The following SLC36A1 variants were observed in gnomAD, a reference collection of about 807,000 sequenced individuals.
The protein encoded by SLC36A1 is proton-coupled amino acid transporter 1.
In SLC36A1, 30 loss-of-function variants were observed where a neutral mutation model predicts 47.5. The ratio of observed to expected loss-of-function variants is 0.63; its 90% CI spans 0.47 to 0.86. SLC36A1 has a LOEUF of 0.86. Among genes scored for constraint, SLC36A1 ranks in the 40% least tolerant of loss-of-function variants. SLC36A1 has a pLI of 0.00. For missense variants in SLC36A1, 517 were observed against 606.0 expected, an observed-to-expected ratio of 0.85 and a Z score of 1.54; for synonymous variants, 255 against 249.7, an observed-to-expected ratio of 1.02 and a Z score of -0.20.
At chr5:151,544,571 G>C in the SLC36A1 span, 1 of 1,614,070 alleles carries the variant, frequency 6.2e-7, no homozygotes, top group Admixed American at 1.7e-5. Flanking sequence ...GGGGTATAGA[G>C]GGTGATATTT....
chr5:151,369,962 T>C, the SLC36A1 span, among the ~76,000 whole-genome samples: 2 of 152,088 alleles, frequency 1.3e-5, no homozygotes, highest in Admixed American at 6.5e-5. Context: ...GCCCGACTAA[T>C]TTTTATATTT....
the SLC36A1 span, chr5:151,549,388 C>T: frequency 1.2e-6 from 2 of 1,614,078 alleles, no homozygotes; most frequent in Non-Finnish European, 1.7e-6. Flanking sequence ...GCTATGGTGT[C>T]AGGAACACTT....
intron 5 of SLC36A1, among the ~76,000 whole-genome samples, chr5:151,466,866 C>T (rs1417776132): frequency 2.6e-5 from 4 of 152,126 alleles, no homozygotes; most frequent in African/African-American, 9.7e-5. Context: ...GATAGCACCT[C>T]CCTCACCTTC....
chr5:151,541,559 A>AAT, the SLC36A1 span, among the ~76,000 whole-genome samples: 167 of 152,216 alleles, frequency 1.1e-3, no homozygotes, highest in African/African-American at 3.7e-3. Context: ...TGTTCATGGG[A>AAT]ATGGGGGGAC....
the SLC36A1 span, among the ~76,000 whole-genome samples, chr5:151,520,922 C>CTCAAAGG: frequency 6.6e-6 from 1 of 152,244 alleles, no homozygotes; most frequent in Non-Finnish European, 1.5e-5. Context: ...AGCAGCCCAG[C>CTCAAAGG]TCAAAGGCAC....
chr5:151,427,509 T>C, the SLC36A1 span, among the ~76,000 whole-genome samples: 16 of 152,190 alleles, frequency 1.1e-4, no homozygotes, highest in South Asian at 6.2e-4. Context: ...TTTTGGGGCT[T>C]AGTTCCTTAT....
At chr5:151,544,260 G>A in the SLC36A1 span, 11 of 1,614,062 alleles carry the variant, frequency 6.8e-6, no homozygotes, top group Non-Finnish European at 9.3e-6. Context: ...GGATCACAGG[G>A]GTCTGAGCAG....
the SLC36A1 span, among the ~76,000 whole-genome samples, chr5:151,519,416 T>C: frequency 5.9e-5 from 9 of 152,344 alleles, no homozygotes; most frequent in African/African-American, 2.2e-4. Context: ...TAGGTACTTA[T>C]TGGATGGGAT....
chr5:151,399,604 C>T, the SLC36A1 span, among the ~76,000 whole-genome samples: 1 of 152,070 alleles, frequency 6.6e-6, no homozygotes, highest in Non-Finnish European at 1.5e-5. Context: ...GCTGTAGCTC[C>T]CAAATATGCT....
intron 10 of SLC36A1, among the ~76,000 whole-genome samples, chr5:151,482,726 ATGG>A (rs1758967099): frequency 6.6e-6 from 1 of 152,158 alleles, no homozygotes; most frequent in Admixed American, 6.5e-5. Context: ...CATGTTGGAC[ATGG>A]TGGTTGTTTC....
intron 10 of SLC36A1, chr5:151,480,271 G>T: frequency 6.9e-6 from 3 of 432,978 alleles, no homozygotes; most frequent in South Asian, 6.5e-5. Flanking sequence ...TCCTCTTTTT[G>T]GCTCTATTTG....
chr5:151,479,531 A>G, intron 10 of SLC36A1, 42 bp downstream of exon 10: 1 of 1,595,076 alleles, frequency 6.3e-7, no homozygotes, highest in Non-Finnish European at 8.6e-7. Context: ...TTTTCCCTAA[A>G]GGGCACCCAG....
At chr5:151,375,080 A>G in the SLC36A1 span, among the ~76,000 whole-genome samples, 1 of 151,902 alleles carries the variant, frequency 6.6e-6, no homozygotes, top group Non-Finnish European at 1.5e-5. Context: ...CCATTTGTCT[A>G]TTTTTGTTTT....
rs760697961 is a variant in SLC36A1, at chr5:151,476,570, C to A, written c.823-20C>A. The A allele has an allele frequency of 5.5e-6, 8 of 1,448,702 alleles. No individual in the cohort carries two copies. Among genetic ancestry groups the A allele is most frequent in the Middle Eastern group, 3.7e-4 (2 of 5,384 alleles). The allele number at this position is 1,448,702 out of a possible 1,614,324, so 89.7% of individuals were successfully genotyped here. A position where few individuals can be genotyped will look rare whatever the true frequency, so the allele number is the denominator to read the frequency against. ...TTCTTTTTTCTGCACTTTCTCTCCT[C>A]TCTCACTACTCTCTCATAGGTTCTG... On this transcript the variant is annotated intron_variant, in intron 8 of 10. Transcript: ENST00000243389.
the SLC36A1 span, among the ~76,000 whole-genome samples, chr5:151,375,384 A>G: frequency 2.0e-5 from 3 of 151,888 alleles, no homozygotes; most frequent in East Asian, 1.9e-4. Flanking sequence ...ATGTGGCTCT[A>G]TTTCTGGGTT....
the SLC36A1 span, among the ~76,000 whole-genome samples, chr5:151,420,412 A>G: frequency 6.6e-6 from 1 of 152,186 alleles, no homozygotes; most frequent in Non-Finnish European, 1.5e-5. Flanking sequence ...ACCTGACCCT[A>G]GGCCTCCTGA....
the SLC36A1 span, among the ~76,000 whole-genome samples, chr5:151,503,497 C>T: frequency 2.0e-5 from 3 of 150,422 alleles, no homozygotes; most frequent in Non-Finnish European, 2.9e-5. Context: ...CCACTGCCTG[C>T]GTGGTGTCTC....
intron 9 of SLC36A1, 38 bp downstream of exon 9, chr5:151,476,794 TA>T: frequency 6.2e-7 from 1 of 1,610,370 alleles, no homozygotes; most frequent in Non-Finnish European, 8.5e-7. Flanking sequence ...GAGCACTGGA[TA>T]TTTTTAAAAA....
the SLC36A1 span, among the ~76,000 whole-genome samples, chr5:151,523,324 T>C: frequency 0.42 from 63,633 of 152,020 alleles, 14,351 homozygotes; most frequent in East Asian, 0.79. Flanking sequence ...ATGCTAGTCA[T>C]TATCATAGAT....
Sources: allele counts gnomAD v4.1 joint callset (sites outside exome capture counted in the v4.1 genomes callset), GRCh38; gene constraint gnomAD v4.1.1; transcripts MANE v1.5; gene names NCBI Gene and HGNC (gene_info 2026-07-23, HGNC 2026-07-21).